The following TXNDC11 variants were observed in gnomAD, a reference collection of about 807,000 sequenced individuals.
TXNDC11 encodes thioredoxin domain-containing protein 11.
TXNDC11 carries 68 observed loss-of-function variants against 78.0 expected under a neutral mutation model. The ratio of observed to expected loss-of-function variants is 0.87; its 90% confidence interval spans 0.72 to 1.07. The LOEUF (loss-of-function observed/expected upper bound fraction) is 1.07. Ranked by LOEUF, TXNDC11 falls within the 50% of genes least tolerant of loss-of-function variation. TXNDC11 has a pLI of 0.00. For missense variants in TXNDC11, 1,389 were observed against 1,221.8 expected (o/e 1.14, Z -2.04); for synonymous variants, 571 against 495.2 (o/e 1.15, Z -2.03).
At chr16:11,703,776 G>T (rs1162114314) in intron 5 of TXNDC11, 2 of 699,864 alleles carry the variant, frequency 2.9e-6, no homozygotes, top group African/African-American at 3.5e-5. Flanking sequence ...TACAAGATAA[G>T]CCTGAAATAT....
At position 11,742,520 on chromosome 16, in the gene TXNDC11, C is replaced by T. The variant is rs764974198; in HGVS notation, c.211G>A (p.Ala71Thr). The T allele has an allele frequency of 2.1e-5, 30 of 1,457,638 alleles. No homozygotes were observed. In the South Asian group the frequency reaches 3.9e-4, roughly 19 times the overall value. 90.3% of individuals were successfully genotyped at this position (1,457,638 alleles called of 1,614,324 possible). The change falls in exon 1 of 12, where the codon GCG (alanine) becomes ACG (threonine). Residue 71 changes from alanine (A) to threonine (T), a missense_variant. Coordinates refer to ENST00000283033, the MANE Select transcript of TXNDC11 (RefSeq NM_015914.7). ...QRPELLCGAV[A>T]LGCALLLALK... Reference sequence around the variant, plus strand: ...GCGAGGAGCAGCGCGCAGCCGAGCGCCACGGCCCCGCAGAGCAGCTCCGGC... The same window carrying T: ...GCGAGGAGCAGCGCGCAGCCGAGCGTCACGGCCCCGCAGAGCAGCTCCGGC...
intron 5 of TXNDC11, among the ~76,000 whole-genome samples, chr16:11,704,792 C>T (rs1349606639): frequency 3.9e-5 from 6 of 152,210 alleles, no homozygotes; most frequent in Non-Finnish European, 7.4e-5. Context: ...CAACACATTG[C>T]GATATGGGAT....
At chr16:11,706,017 T>A (rs1194749517) in intron 5 of TXNDC11, among the ~76,000 whole-genome samples, 6 of 152,172 alleles carry the variant, frequency 3.9e-5, no homozygotes, top group African/African-American at 1.4e-4. Flanking sequence ...AATTAAGAAC[T>A]TGGAATTTGT....
chr16:11,734,950 C>A (rs2052177696), intron 2 of TXNDC11, among the ~76,000 whole-genome samples: 1 of 152,176 alleles, frequency 6.6e-6, no homozygotes, highest in African/African-American at 2.4e-5. Flanking sequence ...TACACTCAAA[C>A]CTGCTTTGCA....
intron 9 of TXNDC11, 86 bp from the exon 10 acceptor site, chr16:11,688,052 C>T: frequency 1.8e-6 from 2 of 1,140,992 alleles, no homozygotes; most frequent in Non-Finnish European, 2.6e-6. Context: ...ATCCAGCAAG[C>T]ACCCGAAAAA....
chr16:11,714,229 C>T (rs577746530), intron 5 of TXNDC11, among the ~76,000 whole-genome samples: 3 of 152,108 alleles, frequency 2.0e-5, no homozygotes, highest in East Asian at 3.9e-4. Context: ...CGCCACATTG[C>T]GAAAGGTTGG....
chr16:11,687,712 G>T, intron 10 of TXNDC11, 145 bp downstream of exon 10: 2 of 593,288 alleles, frequency 3.4e-6, no homozygotes, highest in East Asian at 6.3e-5. Context: ...CTTTGCTCAT[G>T]GCTTCAACCT....
At position 11,691,428 on chromosome 16, in the gene TXNDC11, T is replaced by C; in HGVS notation, c.1762A>G (p.Asn588Asp). The change falls in exon 8 of 12, where the codon AAT (asparagine) becomes GAT (aspartate). Residue 588 changes from asparagine (N) to aspartate (D), a missense_variant. Physicochemically the swap from Asn to Asp is conservative, Grantham distance 23 (BLOSUM62 1). Transcript: ENST00000283033. Reference sequence around the variant, plus strand: ...CTCTCTGCATATAACCAAAACAAATTTGAATCCAAAAGGTAGATGTTGAGA... The same window carrying C: ...CTCTCTGCATATAACCAAAACAAATCTGAATCCAAAAGGTAGATGTTGAGA... The part of the protein sequence containing the change: ...KTLNIYLLDS[N>D]LFWLYAERLG... 2 of 1,614,192 alleles carry C rather than the reference T, an allele frequency of 1.2e-6. No individual in the cohort carries two copies. The highest frequency in any genetic ancestry group is 8.5e-7 in the Non-Finnish European group (1 of 1,180,030).
At chr16:11,734,189 A>C in intron 2 of TXNDC11, 110 bp from the exon 3 acceptor site, 1 of 763,498 alleles carries the variant, frequency 1.3e-6, no homozygotes, top group South Asian at 1.6e-5. Context: ...ACTGAAACAG[A>C]AACTATGAAA....
chr16:11,698,048 G>A, intron 7 of TXNDC11, 77 bp downstream of exon 7: 1 of 1,365,616 alleles, frequency 7.3e-7, no homozygotes, highest in Middle Eastern at 1.9e-4. Context: ...GTAAATGACT[G>A]AGTGTGGGAT....
chr16:11,720,372 C>T (rs1202262374), intron 5 of TXNDC11, among the ~76,000 whole-genome samples: 4 of 150,844 alleles, frequency 2.7e-5, no homozygotes, highest in Non-Finnish European at 5.9e-5. Flanking sequence ...AAATGCTGAC[C>T]AAAACTTTTA....
rs1171532620 is a variant in TXNDC11, at chr16:11,742,669, C to T, written c.62G>A (p.Gly21Glu). The T allele has an allele frequency of 6.8e-7, 1 of 1,469,526 alleles. No individual in the cohort carries two copies. Among genetic ancestry groups the T allele is most frequent in the Middle Eastern group, 2.0e-4 (1 of 4,924 alleles). The allele number at this position is 1,469,526 out of a possible 1,614,324, so 91.0% of individuals were successfully genotyped here. A position where few individuals can be genotyped will look rare whatever the true frequency, so the allele number is the denominator to read the frequency against. The change falls in exon 1 of 12, where the codon GGA becomes GAA. Residue 21 changes from glycine (G) to glutamate (E), a missense_variant. By Grantham distance (98) the Gly-to-Glu change is moderately conservative. Transcript: ENST00000283033. ...GCCCGCGGGGCCGCCGCCGCCCCCT[C>T]CCTCGTCCTCGGCGTCCTCGCTGCT... ...SSSSEDAEDE[G>E]GGGGGPAGSD...
intron 5 of TXNDC11, among the ~76,000 whole-genome samples, chr16:11,716,719 C>T (rs1298284853): frequency 6.6e-6 from 1 of 152,152 alleles, no homozygotes; most frequent in African/African-American, 2.4e-5. Flanking sequence ...ATATATTTAA[C>T]ATAATTTCAA....
chr16:11,707,033 G>A (rs1389139414), intron 5 of TXNDC11, among the ~76,000 whole-genome samples: 2 of 152,262 alleles, frequency 1.3e-5, no homozygotes, highest in East Asian at 3.9e-4. Context: ...GCAAATTCTG[G>A]TATATTTGGG....
rs758440304 is a variant in TXNDC11 at position 11,730,689 on chromosome 16, T to C, written c.655A>G (p.Ile219Val). The C allele has an allele frequency of 1.5e-5, 24 of 1,613,664 alleles. No individual in the cohort carries two copies. The Admixed American group carries it at 3.8e-4, about 26-fold the overall frequency. ...VRRVMKPLLY[I>V]PSQSELLDFL... Reference sequence around the variant, plus strand: ...TCTAGTAATTCTGATTGAGATGGGATGTAGAGAAGTGGTTTCATCACCCGG... The same window carrying C: ...TCTAGTAATTCTGATTGAGATGGGACGTAGAGAAGTGGTTTCATCACCCGG... Residue 219 changes from isoleucine to valine, a missense_variant, in exon 4 of 12, where the codon ATC becomes GTC. By Grantham distance (29) the Ile-to-Val change is conservative. Coordinates refer to ENST00000283033, the MANE Select transcript of TXNDC11 (RefSeq NM_015914.7).
At chr16:11,740,492 C>T (rs2052359638) in intron 1 of TXNDC11, among the ~76,000 whole-genome samples, 1 of 152,232 alleles carries the variant, frequency 6.6e-6, no homozygotes, top group Admixed American at 6.5e-5. Flanking sequence ...ATCAATTAAG[C>T]CATGCTGTCT....
intron 6 of TXNDC11, 119 bp downstream of exon 6, chr16:11,700,333 A>T: frequency 2.0e-6 from 1 of 489,376 alleles, no homozygotes; most frequent in Non-Finnish European, 3.6e-6. Context: ...CCATATATAA[A>T]ATCATATGCG....
intron 1 of TXNDC11, among the ~76,000 whole-genome samples, chr16:11,739,671 CACAG>C (rs1374225627): frequency 6.6e-6 from 1 of 152,112 alleles, no homozygotes; most frequent in Non-Finnish European, 1.5e-5. Context: ...TGTATCTACA[CACAG>C]ACAATTTTTT....
chr16:11,739,511 CAG>C (rs1238512567), intron 1 of TXNDC11, among the ~76,000 whole-genome samples: 1 of 152,160 alleles, frequency 6.6e-6, no homozygotes, highest in African/African-American at 2.4e-5. Flanking sequence ...CACTGCACTC[CAG>C]CCGGGGCAAC....
Sources: gnomAD v4.1 joint callset for allele counts (sites outside exome capture counted in the v4.1 genomes callset) on GRCh38, gnomAD v4.1.1 for gene constraint, MANE v1.5 for transcripts, NCBI Gene and HGNC (gene_info 2026-07-23, HGNC 2026-07-21) for gene names.